The following VOPP1 variants were observed in gnomAD, a reference collection of about 807,000 sequenced individuals.
VOPP1 encodes VOPP1 WW domain binding protein.
In VOPP1, 8 loss-of-function variants were observed where a neutral mutation model predicts 23.5. The observed-to-expected ratio is 0.34, with a 90% CI of 0.20 to 0.61. The LOEUF (loss-of-function observed/expected upper bound fraction) is 0.61, where lower values mean the gene tolerates loss of function less well. Ranked by LOEUF, VOPP1 falls within the 20% of genes least tolerant of loss-of-function variation. The pLI is 0.78. For synonymous variants in VOPP1, 83 were observed against 97.3 expected (o/e 0.85, Z 0.86); for missense variants, 174 against 238.1 (o/e 0.73, Z 1.77).
intron 4 of VOPP1, among the ~76,000 whole-genome samples, chr7:55,446,720 G>T (rs927798283): frequency 6.6e-6 from 1 of 152,122 alleles, no homozygotes; most frequent in Non-Finnish European, 1.5e-5. Context: ...ACATCAGTTG[G>T]TACTACTAAC....
chr7:55,466,576 T>C (rs1402905425), downstream of VOPP1, among the ~76,000 whole-genome samples: 1 of 152,164 alleles, frequency 6.6e-6, no homozygotes, highest in Non-Finnish European at 1.5e-5. Flanking sequence ...GGGATTGGGA[T>C]TGTGGTGAAT....
At chr7:55,537,374 A>T in intron 1 of VOPP1, 1 of 1,312,906 alleles carries the variant, frequency 7.6e-7, no homozygotes, top group African/African-American at 1.5e-5. Context: ...AAGTCAGACC[A>T]CTGATTTCGT....
At chr7:55,485,280 G>C (rs533019785) in intron 4 of VOPP1, among the ~76,000 whole-genome samples, 25 of 152,196 alleles carry the variant, frequency 1.6e-4, no homozygotes, top group African/African-American at 4.1e-4. Flanking sequence ...AGGGAACCAA[G>C]GCTGAAAATA....
intron 1 of VOPP1, among the ~76,000 whole-genome samples, chr7:55,560,151 T>C (rs964961130): frequency 2.6e-5 from 4 of 152,150 alleles, no homozygotes; most frequent in Non-Finnish European, 5.9e-5. Context: ...AGGCTCTGTC[T>C]CAAACAACAA....
At chr7:55,517,304 C>G (rs1211168020) in intron 2 of VOPP1, among the ~76,000 whole-genome samples, 2 of 151,824 alleles carry the variant, frequency 1.3e-5, no homozygotes. Flanking sequence ...TGACTAGTCA[C>G]TCTCACATGA....
At chr7:55,523,243 A>G (rs1350446987) in intron 1 of VOPP1, among the ~76,000 whole-genome samples, 1 of 152,220 alleles carries the variant, frequency 6.6e-6, no homozygotes, top group Non-Finnish European at 1.5e-5. Flanking sequence ...AAACAAAAAC[A>G]TACGTCCAGT....
rs1271723185 is a variant in VOPP1, at chr7:55,492,301, C to T, written c.309G>A (p.Gln103=). Residue 103 remains glutamine, a synonymous_variant, in exon 4 of 5, where the codon CAG becomes CAA. Transcript: ENST00000285279. ...EPAFNVSYTR[Q]PPNPGPGAQQ... is the part of the protein sequence containing the mutation. ...GCTGACCTGGGCCGGGATTTGGGGG[C>T]TGCCTGGTGTAGGACACATTGAAGG... is the stretch of plus-strand genomic sequence containing the variant. 1.9e-6 allele frequency: 3 copies of T among 1,610,166 alleles called. No homozygotes were observed. The highest frequency in any genetic ancestry group is 3.4e-5 in the Admixed American group (2 of 59,648).
chr7:55,560,131 G>T (rs1000965639), intron 1 of VOPP1, among the ~76,000 whole-genome samples: 1 of 152,150 alleles, frequency 6.6e-6, no homozygotes, highest in Non-Finnish European at 1.5e-5. Flanking sequence ...CCGGCCTGGG[G>T]AAAAGAGTGA....
intron 4 of VOPP1, among the ~76,000 whole-genome samples, chr7:55,440,105 G>T (rs898014984): frequency 6.6e-6 from 1 of 152,204 alleles, no homozygotes; most frequent in East Asian, 1.9e-4. Context: ...AGGTTTGTGC[G>T]TTCCTTGCCA....
Position 55,492,379 on chromosome 7 carries a change from G to A in VOPP1, c.231C>T (p.Ala77=), listed in dbSNP as rs150182755. Residue 77 remains alanine (A), a synonymous_variant, in exon 4 of 5, where the codon GCC becomes GCT. Transcript: ENST00000285279. ...ACATGCGCCTCCGGATGAAGAAGCC[G>A]GCTCCGCAGCAGAAAAGCACGCCCA... ...LMMGVLFCCG[A]GFFIRRRMYP... is the part of the protein sequence containing the mutation. The A allele has an allele frequency of 2.2e-3, 3,567 of 1,610,150 alleles. 78 individuals are homozygous for A. The African/African-American group carries it at 0.041, about 18-fold the overall frequency.
intron 4 of VOPP1, among the ~76,000 whole-genome samples, chr7:55,480,940 G>C (rs999196225): frequency 6.6e-6 from 1 of 152,210 alleles, no homozygotes; most frequent in Non-Finnish European, 1.5e-5. Context: ...AAATAGGTTA[G>C]TTGGTGATAA....
intron 1 of VOPP1, among the ~76,000 whole-genome samples, chr7:55,536,197 G>A (rs1368127182): frequency 6.6e-6 from 1 of 152,192 alleles, no homozygotes; most frequent in African/African-American, 2.4e-5. Flanking sequence ...CTGAAGTATG[G>A]AGACTGGCCC....
At chr7:55,528,925 T>C (rs892811088) in intron 1 of VOPP1, among the ~76,000 whole-genome samples, 20 of 152,180 alleles carry the variant, frequency 1.3e-4, no homozygotes, top group African/African-American at 4.8e-4. Context: ...ATTTCAACAA[T>C]GTAAAAATAA....
At chr7:55,552,676 T>TG in intron 1 of VOPP1, 1 of 1,535,930 alleles carries the variant, frequency 6.5e-7, no homozygotes. Flanking sequence ...CTTCCAACAA[T>TG]GGGGGGCACT....
intron 4 of VOPP1, among the ~76,000 whole-genome samples, chr7:55,462,841 A>G (rs1437598773): frequency 6.7e-6 from 1 of 148,210 alleles, no homozygotes; most frequent in Non-Finnish European, 1.5e-5. Context: ...TATTTTTAGT[A>G]GAGACGGGGT....
In VOPP1 at chr7:55,497,638, A is replaced by G. The variant is rs766903922; in HGVS notation, c.166T>C (p.Ser56Pro). Residue 56 changes from serine to proline, a missense_variant, in exon 3 of 5, where the codon TCC becomes CCC. Physicochemically the swap from Ser to Pro is moderately conservative, Grantham distance 74 (BLOSUM62 -1). Transcript: ENST00000285279. Reference protein sequence around the residue: ...CGSRCCVRALSIQRLWYFWFL... With the variant: ...CGSRCCVRALPIQRLWYFWFL... ...CAGAAGTACCACAGCCTCTGTATGG[A>G]GAGGGCCCGCACACAGCACCTGGAG... is the stretch of plus-strand genomic sequence containing the variant. The G allele has an allele frequency of 6.2e-6, 10 of 1,608,844 alleles. No individual in the cohort carries two copies.
At position 55,572,369 on chromosome 7, in the gene VOPP1, G is replaced by A; in HGVS notation, c.-45C>T. On this transcript the variant is annotated 5_prime_UTR_variant, in exon 1 of 5. Transcript: ENST00000285279. Reference sequence around the variant, plus strand: ...AGCGCGCCCGGACGCCGGGTCGCAGGCGCGCTTCGCGACTCGGCCCCCGCG... The same window carrying A: ...AGCGCGCCCGGACGCCGGGTCGCAGACGCGCTTCGCGACTCGGCCCCCGCG... 7.9e-7 allele frequency: 1 copy of A among 1,272,826 alleles called. No individual in the cohort carries two copies. Among genetic ancestry groups the A allele is most frequent in the Non-Finnish European group, 9.9e-7 (1 of 1,005,798 alleles). 78.8% of individuals were successfully genotyped at this position (1,272,826 alleles called of 1,614,324 possible).
At chr7:55,559,471 C>A (rs770744906) in intron 1 of VOPP1, among the ~76,000 whole-genome samples, 5 of 152,272 alleles carry the variant, frequency 3.3e-5, no homozygotes, top group South Asian at 2.1e-4. Flanking sequence ...CTGACCAGGG[C>A]CCAGATGTCG....
At chr7:55,480,425 T>C (rs1792621060) in intron 4 of VOPP1, among the ~76,000 whole-genome samples, 1 of 152,226 alleles carries the variant, frequency 6.6e-6, no homozygotes, top group Non-Finnish European at 1.5e-5. Context: ...AATTTATGCT[T>C]TTATTTTTGT....
Sources: allele counts gnomAD v4.1 joint callset (sites outside exome capture counted in the v4.1 genomes callset), GRCh38; gene constraint gnomAD v4.1.1; transcripts MANE v1.5; gene names NCBI Gene and HGNC (gene_info 2026-07-23, HGNC 2026-07-21).